Variants in SLC26A11 observed in about 807,000 individuals in gnomAD.
SLC26A11 encodes solute carrier family 26 member 11.
A neutral mutation model predicts 62.2 loss-of-function variants in SLC26A11; 58 were observed. That is an observed-to-expected ratio of 0.93 (90% CI 0.76 to 1.16). The LOEUF (loss-of-function observed/expected upper bound fraction) is 1.16, where lower values mean the gene tolerates loss of function less well. Among genes scored for constraint, SLC26A11 ranks in the 50% most tolerant of loss-of-function variants. The pLI, the probability that SLC26A11 is intolerant of heterozygous loss-of-function variation, is 0.00. For synonymous variants in SLC26A11, 411 were observed against 368.9 expected (o/e 1.11, Z -1.31); for missense variants, 790 against 794.3 (o/e 0.99, Z 0.06).
intron 10 of SLC26A11, among the ~76,000 whole-genome samples, chr17:80,244,361 C>T (rs1177325796): frequency 6.6e-6 from 1 of 152,208 alleles, no homozygotes; most frequent in Admixed American, 6.5e-5. Flanking sequence ...GCTGTCATCT[C>T]GTGAGACGGA....
At chr17:80,229,013 GAGA>G (rs1478823815) in intron 7 of SLC26A11, among the ~76,000 whole-genome samples, 1 of 152,234 alleles carries the variant, frequency 6.6e-6, no homozygotes, top group Non-Finnish European at 1.5e-5. Flanking sequence ...GGGATGCCCA[GAGA>G]AGAAGGCACA....
intron 7 of SLC26A11, among the ~76,000 whole-genome samples, chr17:80,233,595 T>A (rs528546947): frequency 5.7e-4 from 87 of 151,834 alleles, no homozygotes; most frequent in African/African-American, 2.1e-3. Flanking sequence ...TTTTTTTTTT[T>A]TTATTTGACA....
At chr17:80,250,604 G>A (rs1184447711) in intron 16 of SLC26A11, among the ~76,000 whole-genome samples, 2 of 152,078 alleles carry the variant, frequency 1.3e-5, no homozygotes, top group African/African-American at 4.8e-5. Context: ...TTGAGAGGCC[G>A]AGGCGGGAGG....
intron 16 of SLC26A11, among the ~76,000 whole-genome samples, chr17:80,250,830 A>T (rs1598849386): frequency 2.7e-5 from 2 of 73,126 alleles, no homozygotes; most frequent in Middle Eastern, 0.014. Flanking sequence ...TCCATCTCAA[A>T]AACAAACAAA....
chr17:80,246,473 C>A lies in SLC26A11; in HGVS notation c.1154-36C>A, dbSNP rs1276968947. The A allele has an allele frequency of 6.2e-7, 1 of 1,603,838 alleles. No individual in the cohort carries two copies. Among genetic ancestry groups the A allele is most frequent in the Non-Finnish European group, 8.5e-7 (1 of 1,179,664 alleles). ...TACGCTGCGTGCTGGGGGGACCCTG[C>A]ACTCCCGAGGTCACCTGTGTTCCCG... On this transcript the variant is annotated intron_variant, in intron 12 of 17. Transcript: ENST00000361193. The surrounding 1 kb of genome is among the most constrained non-coding windows in gnomAD (Gnocchi z 4.4).
Position 80,237,670 on chromosome 17 carries a change from C to G in SLC26A11, c.985+76C>G, listed in dbSNP as rs894280318. The stretch of plus-strand genomic sequence containing the variant: ...TAGGCCTGCCTGCTTTCTAGCTTGC[C>G]TTTATCCGTTACTAGTTTTAGAAAT... On this transcript the variant is annotated intron_variant, in intron 9 of 17. Transcript: ENST00000361193. 3.6e-6 allele frequency: 5 copies of G among 1,401,570 alleles called. No homozygotes were observed. The Admixed American group carries it at 1.1e-4, about 30-fold the overall frequency. The allele number at this position is 1,401,570 out of a possible 1,614,324, so 86.8% of individuals were successfully genotyped here.
At chr17:80,251,529 G>C in intron 17 of SLC26A11, 128 bp downstream of exon 17, 1 of 1,191,284 alleles carries the variant, frequency 8.4e-7, no homozygotes, top group Non-Finnish European at 1.2e-6. Flanking sequence ...TTGGGAGGCC[G>C]AGGCAGGTGG....
At chr17:80,248,300 G>C in intron 14 of SLC26A11, 43 bp downstream of exon 14, 1 of 1,582,072 alleles carries the variant, frequency 6.3e-7, no homozygotes. Context: ...GCTGGGGGCA[G>C]GATTCCTGGG....
intron 10 of SLC26A11, 27 bp from the exon 11 acceptor site, chr17:80,245,169 G>T: frequency 2.5e-6 from 4 of 1,611,510 alleles, no homozygotes; most frequent in South Asian, 2.2e-5. Context: ...TTCCCTCCAC[G>T]ATCAGCCTGT....
In SLC26A11 at chr17:80,222,870, A is replaced by G; in HGVS notation, c.427+23A>G. On this transcript the variant is annotated intron_variant, in intron 4 of 17. Coordinates refer to ENST00000361193, the MANE Select transcript of SLC26A11 (RefSeq NM_001166347.2). This position sits in a 1 kb window ranked among gnomAD's most constrained non-coding sequence, Gnocchi z 4.7. Reference sequence around the variant, plus strand: ...TGGGTGAGGCTCTACCTTCTTGCCAAGGGGATGCCCTCGACCTCAGCATTT... The same window carrying G: ...TGGGTGAGGCTCTACCTTCTTGCCAGGGGGATGCCCTCGACCTCAGCATTT... 1 of 1,609,586 alleles carries G rather than the reference A, an allele frequency of 6.2e-7. No homozygotes were observed. The highest frequency in any genetic ancestry group is 8.5e-7 in the Non-Finnish European group (1 of 1,177,490).
Position 80,223,956 on chromosome 17 carries a change from G to A in SLC26A11, c.513+619G>A, listed in dbSNP as rs2042294867. Among the ~76,000 whole-genome samples, 2 of 152,214 alleles carry A rather than the reference G, an allele frequency of 1.3e-5. No individual in the cohort carries two copies. Among genetic ancestry groups the A allele is most frequent in the Admixed American group, 1.3e-4 (2 of 15,282 alleles). ...GCCATGGCCGCCCAGCATTGGGCTG[G>A]TGCAGTAGGGGGGTGCTCAGTGGGG... On this transcript the variant is annotated intron_variant, in intron 5 of 17. Transcript: ENST00000361193. This position sits in a 1 kb window ranked among gnomAD's most constrained non-coding sequence, Gnocchi z 4.6.
intron 7 of SLC26A11, among the ~76,000 whole-genome samples, chr17:80,230,585 T>TG (rs1223938108): frequency 6.6e-6 from 1 of 152,046 alleles, no homozygotes; most frequent in African/African-American, 2.4e-5. Context: ...GCCAGGCTGG[T>TG]GGAGGAAGGA....
At chr17:80,227,782 G>C in intron 6 of SLC26A11, 36 bp from the exon 7 acceptor site, 1 of 1,596,588 alleles carries the variant, frequency 6.3e-7, no homozygotes, top group Non-Finnish European at 8.5e-7. Flanking sequence ...GGCCTGGGCC[G>C]AGCTGGGTGG....
chr17:80,233,584 A>ATTTTTTTT (rs56289503), intron 7 of SLC26A11, among the ~76,000 whole-genome samples: 4 of 142,406 alleles, frequency 2.8e-5, no homozygotes, highest in Non-Finnish European at 3.0e-5. Context: ...CTCTTTCAGC[A>ATTTTTTTT]TTTTTTTTTT....
At position 80,222,952 on chromosome 17, in the gene SLC26A11, GGTAT is replaced by G. The variant is rs1420140056; in HGVS notation, c.427+112_427+115del. 17 of 1,246,976 alleles carry G rather than the reference GGTAT, an allele frequency of 1.4e-5. No individual in the cohort carries two copies. The Admixed American group carries it at 2.2e-4, about 16-fold the overall frequency. The allele number at this position is 1,246,976 out of a possible 1,614,324, so 77.2% of individuals were successfully genotyped here. ...GCGTGTGTGTGCGTGTTGGGGTGTGGGTATGTATGTGTGTGTGTGTAGGTGGGTG... is the reference window on the plus strand; with the variant it reads ...GCGTGTGTGTGCGTGTTGGGGTGTGGGTATGTGTGTGTGTGTAGGTGGGTG... On this transcript the variant is annotated intron_variant, in intron 4 of 17. Coordinates refer to ENST00000361193, the MANE Select transcript of SLC26A11 (RefSeq NM_001166347.2). The surrounding 1 kb of genome is among the most constrained non-coding windows in gnomAD (Gnocchi z 4.7).
chr17:80,253,031 C>A lies in SLC26A11; in HGVS notation c.*315C>A. On this transcript the variant is annotated 3_prime_UTR_variant, in exon 18 of 18. Coordinates refer to ENST00000361193, the MANE Select transcript of SLC26A11 (RefSeq NM_001166347.2). ...GAAGCAGGGGCAGGGGTTTCCAGCCCGGGCTGTGCGAGGCATCCTGGGGCT... is the reference window on the plus strand; with the variant it reads ...GAAGCAGGGGCAGGGGTTTCCAGCCAGGGCTGTGCGAGGCATCCTGGGGCT... The A allele has an allele frequency of 5.1e-6, 1 of 194,626 alleles. No individual in the cohort carries two copies. 12.1% of individuals were successfully genotyped at this position (194,626 alleles called of 1,614,324 possible). A position where few individuals can be genotyped will look rare whatever the true frequency, so the allele number is the denominator to read the frequency against.
rs191999062 is a variant in SLC26A11, at chr17:80,224,614, G to A, written c.514-1223G>A. Among the ~76,000 whole-genome samples the A allele has an allele frequency of 3.5e-4, 53 of 152,030 alleles. 1 individual carries two copies. The East Asian group carries it at 8.9e-3, about 25-fold the overall frequency. On this transcript the variant is annotated intron_variant, in intron 5 of 17. Coordinates refer to ENST00000361193, the MANE Select transcript of SLC26A11 (RefSeq NM_001166347.2). ...TTTGAGAGAGGAGGGACCAACTTAG[G>A]TGTGGGTGAGCGTGATTTGTACGTT... is the stretch of plus-strand genomic sequence containing the variant.
At position 80,237,102 on chromosome 17, in the gene SLC26A11, AG is replaced by A; in HGVS notation, c.912+1del. The stretch of plus-strand genomic sequence containing the variant: ...ACGATCTCCTTCACCGAGATGGTGC[AG>A]GTGGGCGGAGCCGGGAGGCAGGATG... ...NGTISFTEMV[Q>X]DMGAGLAVVP... On this transcript the variant is annotated frameshift_variant and splice_region_variant, in exon 8 of 18. Transcript: ENST00000361193. LOFTEE classifies it high-confidence loss of function. 1 of 1,606,994 alleles carries A rather than the reference AG, an allele frequency of 6.2e-7. No homozygotes were observed. Among genetic ancestry groups the A allele is most frequent in the East Asian group, 2.2e-5 (1 of 44,652 alleles).
chr17:80,248,520 G>A, intron 14 of SLC26A11, 55 bp from the exon 15 acceptor site: 1 of 1,518,426 alleles, frequency 6.6e-7, no homozygotes, highest in Non-Finnish European at 8.9e-7. Context: ...GACAGGCCAA[G>A]CCTGGTGGAG....
Sources: gnomAD v4.1 joint callset for allele counts (sites outside exome capture counted in the v4.1 genomes callset) on GRCh38, gnomAD v4.1.1 for gene constraint, Gnocchi (gnomAD v3.1) non-coding constraint, MANE v1.5 for transcripts, NCBI Gene and HGNC (gene_info 2026-07-23, HGNC 2026-07-21) for gene names.